The following SIDT1 variants were observed in gnomAD, a reference collection of about 807,000 sequenced individuals.
The protein encoded by SIDT1 is SID1 transmembrane family, member 1.
A neutral mutation model predicts 107.5 loss-of-function variants in SIDT1; 101 were observed. That is an observed-to-expected ratio of 0.94 (90% CI 0.80 to 1.11). The LOEUF is 1.11. SIDT1 is among the 50% of genes least tolerant of loss of function. The pLI is 0.00. For synonymous variants in SIDT1, 395 were observed against 398.2 expected (o/e 0.99, Z 0.10); for missense variants, 1,076 against 1,058.2 (o/e 1.02, Z -0.23).
At chr3:113,569,094 A>G (rs1040211308) in intron 3 of SIDT1, among the ~76,000 whole-genome samples, 1 of 147,908 alleles carries the variant, frequency 6.8e-6, no homozygotes, top group Non-Finnish European at 1.5e-5. Flanking sequence ...AGCCGAGATC[A>G]TGCCAATGCA....
At position 113,532,947 on chromosome 3, in the gene SIDT1, C is replaced by T; in HGVS notation, c.-75C>T. The T allele has an allele frequency of 9.3e-7, 1 of 1,069,950 alleles. No homozygotes were observed. The highest frequency in any genetic ancestry group is 3.3e-4 in the Middle Eastern group (1 of 3,062). The allele number at this position is 1,069,950 out of a possible 1,614,324, so 66.3% of individuals were successfully genotyped here. A position where few individuals can be genotyped will look rare whatever the true frequency, so the allele number is the denominator to read the frequency against. ...AGCGGACGCCTGGCCCTGCACCGGG[C>T]TTTGGAAGGACCCTCTCTGCGCTCG... On this transcript the variant is annotated 5_prime_UTR_variant, in exon 1 of 25. Transcript: ENST00000264852.
chr3:113,612,440 A>C (rs776768486), intron 19 of SIDT1: 1 of 579,522 alleles, frequency 1.7e-6, no homozygotes, highest in South Asian at 1.5e-5. Context: ...CTCAGAGATG[A>C]GTTGTACCTC....
intron 1 of SIDT1, among the ~76,000 whole-genome samples, chr3:113,558,954 C>T (rs988602751): frequency 6.6e-6 from 1 of 152,200 alleles, no homozygotes; most frequent in African/African-American, 2.4e-5. Flanking sequence ...ATGTTTCCTT[C>T]AGCAACCTGC....
rs765408617 is a variant in SIDT1, at chr3:113,593,038, G to A, written c.1035G>A (p.Gly345=). 2 of 1,613,364 alleles carry A rather than the reference G, an allele frequency of 1.2e-6. No homozygotes were observed. The highest frequency in any genetic ancestry group is 1.7e-5 in the Admixed American group (1 of 60,020). Residue 345 remains glycine (G), a synonymous_variant, in exon 10 of 25, where the codon GGG becomes GGA. Coordinates refer to ENST00000264852, the MANE Select transcript of SIDT1 (RefSeq NM_017699.3). ...GAAAATCCATTGATGGAAGCTTTGGGTCCAATGATGGTAAGAGCAATGCTT... is the reference window on the plus strand; with the variant it reads ...GAAAATCCATTGATGGAAGCTTTGGATCCAATGATGGTAAGAGCAATGCTT... ...FQRKSIDGSF[G]SNDGSGNMVA... is the part of the protein sequence containing the mutation.
At chr3:113,547,070 C>A (rs1418930669) in intron 1 of SIDT1, among the ~76,000 whole-genome samples, 1 of 152,104 alleles carries the variant, frequency 6.6e-6, no homozygotes, top group East Asian at 1.9e-4. Context: ...TTCACACACA[C>A]ATAAAAACCA....
chr3:113,620,848 A>G (rs1318568467), intron 21 of SIDT1, among the ~76,000 whole-genome samples: 2 of 152,158 alleles, frequency 1.3e-5, no homozygotes, highest in Non-Finnish European at 2.9e-5. Context: ...ACCTTTGACT[A>G]TGATTCCAGG....
intron 2 of SIDT1, among the ~76,000 whole-genome samples, chr3:113,567,227 G>A (rs966689717): frequency 3.3e-5 from 5 of 152,178 alleles, no homozygotes; most frequent in African/African-American, 1.2e-4. Flanking sequence ...GTTTTATCAT[G>A]ACAGTTTCCC....
chr3:113,610,910 A>C, intron 17 of SIDT1, 98 bp from the exon 18 acceptor site: 1 of 1,407,058 alleles, frequency 7.1e-7, no homozygotes, highest in Non-Finnish European at 9.8e-7. Context: ...CATGGATTGA[A>C]GTGAGGGGTA....
chr3:113,569,159 AGGAAGCCAGACAAAAGAAAT>A (rs990626071), intron 3 of SIDT1, among the ~76,000 whole-genome samples: 1 of 150,078 alleles, frequency 6.7e-6, no homozygotes, highest in African/African-American at 2.4e-5. Context: ...AAAAAAAAAA[AGGAAGCCAGACAAAAGAAAT>A]GTATGCTATT....
At position 113,584,738 on chromosome 3, in the gene SIDT1, C is replaced by A. The variant is rs1381046205; in HGVS notation, c.876C>A (p.Asn292Lys). Residue 292 changes from asparagine (N) to lysine (K), a missense_variant, in exon 8 of 25, where the codon AAC becomes AAA. Transcript: ENST00000264852. ...CCTGGAATCTACAGCGAAAAAAGAACCTTGAAGTGACCATTGTCCCTTCCA... is the reference window on the plus strand; with the variant it reads ...CCTGGAATCTACAGCGAAAAAAGAAACTTGAAGTGACCATTGTCCCTTCCA... ...NQTWNLQRKK[N>K]LEVTIVPSIK... The A allele has an allele frequency of 6.2e-7, 1 of 1,600,264 alleles. No homozygotes were observed. Among genetic ancestry groups the A allele is most frequent in the Admixed American group, 1.8e-5 (1 of 56,036 alleles).
chr3:113,608,676 C>T (rs1338394788), intron 17 of SIDT1, 140 bp downstream of exon 17: 12 of 679,168 alleles, frequency 1.8e-5, no homozygotes, highest in Non-Finnish European at 2.9e-5. Context: ...GACCTCCACA[C>T]AGAGCATGAC....
At chr3:113,595,444 G>A (rs1576895257) in intron 10 of SIDT1, among the ~76,000 whole-genome samples, 1 of 152,222 alleles carries the variant, frequency 6.6e-6, no homozygotes, top group South Asian at 2.1e-4. Flanking sequence ...GGTGGGCGTG[G>A]TGGTGTGCAC....
rs1946953768 is a variant in SIDT1, at chr3:113,627,796, C to T, written c.*88C>T. The T allele has an allele frequency of 8.2e-7, 1 of 1,220,758 alleles. No homozygotes were observed. Among genetic ancestry groups the T allele is most frequent in the Non-Finnish European group, 1.2e-6 (1 of 829,086 alleles). The allele number at this position is 1,220,758 out of a possible 1,614,324, so 75.6% of individuals were successfully genotyped here. A position where few individuals can be genotyped will look rare whatever the true frequency, so the allele number is the denominator to read the frequency against. ...GTGACCACAGCAAAGTAACCACTGC[C>T]AGATGCTCCACTCACCCTCTGTAGA... On this transcript the variant is annotated 3_prime_UTR_variant, in exon 25 of 25. Transcript: ENST00000264852.
intron 1 of SIDT1, among the ~76,000 whole-genome samples, chr3:113,533,697 C>G (rs1041390083): frequency 1.3e-5 from 2 of 152,178 alleles, no homozygotes; most frequent in African/African-American, 4.8e-5. Flanking sequence ...GAGAACTGCT[C>G]AGAATCTAAA....
chr3:113,566,545 A>G lies in SIDT1; in HGVS notation c.344+4A>G, dbSNP rs200932687. 1.5e-4 allele frequency: 248 copies of G among 1,612,050 alleles called. No individual in the cohort carries two copies. The highest frequency in any genetic ancestry group is 2.0e-4 in the Non-Finnish European group (230 of 1,179,248). The stretch of plus-strand genomic sequence containing the variant: ...TTCCTCTGCTCTTCCAAGGACTGTA[A>G]GTGGGTTTTCTTCCAGGCAACTTCA... On this transcript the variant is annotated splice_donor_region_variant and intron_variant, in intron 2 of 24. Coordinates refer to ENST00000264852, the MANE Select transcript of SIDT1 (RefSeq NM_017699.3).
intron 1 of SIDT1, among the ~76,000 whole-genome samples, chr3:113,534,546 G>A (rs1937877355): frequency 6.6e-6 from 1 of 152,178 alleles, no homozygotes; most frequent in African/African-American, 2.4e-5. Flanking sequence ...ACAAGGGAGA[G>A]GCTGCAGTTT....
At chr3:113,596,148 G>A (rs539493855) in intron 10 of SIDT1, among the ~76,000 whole-genome samples, 2 of 152,318 alleles carry the variant, frequency 1.3e-5, no homozygotes, top group East Asian at 3.9e-4. Context: ...TTCTTAAAGG[G>A]GAAGAGGATC....
intron 20 of SIDT1, among the ~76,000 whole-genome samples, chr3:113,617,094 C>T (rs1946163019): frequency 6.6e-6 from 1 of 152,146 alleles, no homozygotes; most frequent in African/African-American, 2.4e-5. Context: ...CAAAGAGGTA[C>T]CCTTGTGGAA....
At chr3:113,546,132 T>C (rs1576713905) in intron 1 of SIDT1, among the ~76,000 whole-genome samples, 1 of 152,192 alleles carries the variant, frequency 6.6e-6, no homozygotes, top group Non-Finnish European at 1.5e-5. Context: ...CTGAGGACCT[T>C]CAGCAAATCC....
Sources: allele counts gnomAD v4.1 joint callset (sites outside exome capture counted in the v4.1 genomes callset), GRCh38; gene constraint gnomAD v4.1.1; transcripts MANE v1.5; gene names NCBI Gene and HGNC (gene_info 2026-07-23, HGNC 2026-07-21).